Variants in RAB4B observed in about 807,000 individuals in gnomAD.
RAB4B encodes RAB4B, member RAS oncogene family.
RAB4B carries 15 observed loss-of-function variants against 28.3 expected under a neutral mutation model. The ratio of observed to expected loss-of-function variants is 0.53; its 90% CI spans 0.35 to 0.82. The LOEUF (loss-of-function observed/expected upper bound fraction) is 0.82, where lower values mean the gene tolerates loss of function less well. Among genes scored for constraint, RAB4B ranks in the 40% least tolerant of loss-of-function variants. RAB4B has a pLI of 0.01. For synonymous variants in RAB4B, 108 were observed against 116.3 expected (o/e 0.93, Z 0.46); for missense variants, 244 against 288.5 (o/e 0.85, Z 1.12).
intron 2 of RAB4B, 119 bp downstream of exon 2, chr19:40,780,218 T>C (rs1156806488): frequency 6.7e-7 from 1 of 1,496,790 alleles, no homozygotes; most frequent in African/African-American, 1.4e-5. Flanking sequence ...GTGCTGGCTT[T>C]TTGGTCCTTG....
At chr19:40,783,274 A>T (rs2145043774) in intron 3 of RAB4B, among the ~76,000 whole-genome samples, 1 of 152,144 alleles carries the variant, frequency 6.6e-6, no homozygotes, top group East Asian at 1.9e-4. Flanking sequence ...TTTACAAAAA[A>T]TATTAAGAAA....
In RAB4B at chr19:40,796,554, C is replaced by G. The variant is rs185443894; in HGVS notation, c.*16-16C>G. ...ACCCCGGGGACCCTGCAGGTCACCA[C>G]ACCCTTCTCTTTCAGCTCACCTGTT... On this transcript the variant is annotated splice_polypyrimidine_tract_variant and intron_variant, in intron 7 of 7. Coordinates refer to ENST00000357052, the MANE Select transcript of RAB4B (RefSeq NM_016154.5). 1.3e-5 allele frequency: 2 copies of G among 152,850 alleles called. No homozygotes were observed. Among genetic ancestry groups the G allele is most frequent in the African/African-American group, 4.8e-5 (2 of 41,582 alleles). The allele number at this position is 152,850 out of a possible 1,614,324, so 9.5% of individuals were successfully genotyped here.
chr19:40,784,056 C>A lies in RAB4B; in HGVS notation c.411C>A (p.Ser137=), dbSNP rs2083075813. The A allele has an allele frequency of 6.2e-7, 1 of 1,612,648 alleles. No homozygotes were observed. Among genetic ancestry groups the A allele is most frequent in the African/African-American group, 1.3e-5 (1 of 74,926 alleles). ...GGGAGGTCACTTTCCTGGAGGCCTC[C>A]CGCTTTGCCCAGGAGAATGGTGAGG... ...PEREVTFLEA[S]RFAQENELMF... Residue 137 remains serine (S), a synonymous_variant, in exon 5 of 8, where the codon TCC becomes TCA. Transcript: ENST00000357052.
intron 7 of RAB4B, among the ~76,000 whole-genome samples, chr19:40,793,069 G>A (rs181266676): frequency 8.1e-4 from 123 of 152,092 alleles, no homozygotes; most frequent in Middle Eastern, 3.4e-3. Flanking sequence ...GAGCCACTGC[G>A]CCCGGCCTCA....
intron 7 of RAB4B, among the ~76,000 whole-genome samples, chr19:40,792,743 T>G (rs2083170196): frequency 6.6e-6 from 1 of 152,248 alleles, no homozygotes; most frequent in African/African-American, 2.4e-5. Context: ...GGTTGTGCAA[T>G]CACCACTTCT....
intron 3 of RAB4B, 85 bp from the exon 4 acceptor site, chr19:40,783,693 G>T: frequency 1.5e-6 from 2 of 1,355,030 alleles, no homozygotes; most frequent in Non-Finnish European, 2.0e-6. Context: ...GGGGGCCTCC[G>T]AACCACCAGT....
chr19:40,784,521 A>G (rs770685213), intron 5 of RAB4B, among the ~76,000 whole-genome samples: 1 of 152,046 alleles, frequency 6.6e-6, no homozygotes, highest in Non-Finnish European at 1.5e-5. Flanking sequence ...CAAAACAACA[A>G]CAAAACTAAG....
chr19:40,782,098 G>A (rs1418442030), intron 3 of RAB4B, among the ~76,000 whole-genome samples: 2 of 151,624 alleles, frequency 1.3e-5, no homozygotes, highest in East Asian at 1.9e-4. Flanking sequence ...TTCAGTCCAC[G>A]GAAAAGTGTG....
Position 40,780,119 on chromosome 19 carries a change from C to A in RAB4B, c.97+20C>A. On this transcript the variant is annotated intron_variant, in intron 2 of 7. Transcript: ENST00000357052. Reference sequence around the variant, plus strand: ...ATAAGTGTGAGTTTCCCGCAGTGGTCCTGGGAACCCTGAGCTGTGTTTATG... The same window carrying A: ...ATAAGTGTGAGTTTCCCGCAGTGGTACTGGGAACCCTGAGCTGTGTTTATG... The A allele has an allele frequency of 6.2e-7, 1 of 1,612,694 alleles. No individual in the cohort carries two copies. The highest frequency in any genetic ancestry group is 1.3e-5 in the African/African-American group (1 of 75,008).
chr19:40,796,369 AGG>A (rs1163095292), intron 7 of RAB4B, 199 bp from the exon 8 acceptor site: 1 of 152,322 alleles, frequency 6.6e-6, no homozygotes, highest in African/African-American at 2.4e-5. Context: ...GCAAACAAAG[AGG>A]GAGATGCAGG....
At chr19:40,793,823 C>A (rs1014993258) in intron 7 of RAB4B, among the ~76,000 whole-genome samples, 2 of 151,618 alleles carry the variant, frequency 1.3e-5, no homozygotes, top group African/African-American at 4.8e-5. Flanking sequence ...ACTCAGGGGG[C>A]TGAGGCAGAG....
At chr19:40,786,353 A>G (rs2083098950) in intron 5 of RAB4B, 3 of 369,292 alleles carry the variant, frequency 8.1e-6, no homozygotes, top group East Asian at 7.0e-5. Flanking sequence ...AGGAAGCACA[A>G]GCAGTGGGGT....
intron 7 of RAB4B, among the ~76,000 whole-genome samples, chr19:40,790,638 G>C (rs978959574): frequency 6.8e-6 from 1 of 146,848 alleles, no homozygotes; most frequent in African/African-American, 2.5e-5. Context: ...CTCCCAAAGT[G>C]CTGGGATTAC....
At chr19:40,793,520 TGG>T (rs2145065232) in intron 7 of RAB4B, among the ~76,000 whole-genome samples, 1 of 149,822 alleles carries the variant, frequency 6.7e-6, no homozygotes, top group East Asian at 2.0e-4. Flanking sequence ...GAATTACAGG[TGG>T]GAGCCACCAT....
At chr19:40,795,733 G>A (rs2083204056) in intron 7 of RAB4B, among the ~76,000 whole-genome samples, 1 of 150,162 alleles carries the variant, frequency 6.7e-6, no homozygotes, top group South Asian at 2.1e-4. Context: ...TTGAGATGGA[G>A]TTTCGCTCTT....
At chr19:40,780,672 G>A (rs2083038223) in intron 3 of RAB4B, among the ~76,000 whole-genome samples, 173 bp downstream of exon 3, 1 of 151,914 alleles carries the variant, frequency 6.6e-6, no homozygotes, top group South Asian at 2.1e-4. Context: ...GTACTGGAGA[G>A]ATAAAGAGAT....
At chr19:40,784,131 A>T (rs950962115) in intron 5 of RAB4B, 56 bp downstream of exon 5, 65 of 1,526,444 alleles carry the variant, frequency 4.3e-5, no homozygotes, top group Non-Finnish European at 5.1e-5. Context: ...CACAGGGACC[A>T]TGGGTTTACT....
chr19:40,795,959 G>A (rs762797673), intron 7 of RAB4B, among the ~76,000 whole-genome samples: 5 of 151,902 alleles, frequency 3.3e-5, no homozygotes, highest in Admixed American at 1.3e-4. Flanking sequence ...TGCCCGCCTC[G>A]GCCTCCCAAA....
rs541125894 is a variant in RAB4B at position 40,794,146 on chromosome 19, C to G, written c.*16-2424C>G. On this transcript the variant is annotated intron_variant, in intron 7 of 7. Transcript: ENST00000357052. Reference sequence around the variant, plus strand: ...CTGGAGTGCAATGGTGTGGTCTCGGCTCACTGAAATCTCCGCCTCTCAAGT... The same window carrying G: ...CTGGAGTGCAATGGTGTGGTCTCGGGTCACTGAAATCTCCGCCTCTCAAGT... Among the ~76,000 whole-genome samples, 8 of 151,818 alleles carry G rather than the reference C, an allele frequency of 5.3e-5. No homozygotes were observed. The South Asian group carries it at 1.7e-3, about 32-fold the overall frequency.
Sources: gnomAD v4.1 joint callset for allele counts (sites outside exome capture counted in the v4.1 genomes callset) on GRCh38, gnomAD v4.1.1 for gene constraint, MANE v1.5 for transcripts, NCBI Gene and HGNC (gene_info 2026-07-23, HGNC 2026-07-21) for gene names.